The following CRYBG1 variants were observed in gnomAD, a reference collection of about 807,000 sequenced individuals.
CRYBG1 encodes crystallin beta-gamma domain containing 1.
A neutral mutation model predicts 189.2 loss-of-function variants in CRYBG1; 139 were observed. That is an observed-to-expected ratio of 0.73 (90% CI 0.64 to 0.85). CRYBG1 has a LOEUF of 0.85. Ranked by LOEUF, CRYBG1 falls within the 40% of genes least tolerant of loss-of-function variation. The pLI, the probability that CRYBG1 is intolerant of heterozygous loss-of-function variation, is 0.00. For missense variants in CRYBG1, 2,611 were observed against 2,675.8 expected (o/e 0.98, Z 0.53); for synonymous variants, 1,023 against 1,017.1 (o/e 1.01, Z -0.11).
At chr6:106,447,186 G>A (rs568724524) in intron 1 of CRYBG1, among the ~76,000 whole-genome samples, 12 of 152,222 alleles carry the variant, frequency 7.9e-5, no homozygotes, top group South Asian at 2.1e-4. Flanking sequence ...GGTTATTGTC[G>A]TTAATAAATG....
chr6:106,423,878 T>A, intron 1 of CRYBG1, among the ~76,000 whole-genome samples: 1 of 151,896 alleles, frequency 6.6e-6, no homozygotes, highest in East Asian at 1.9e-4. Flanking sequence ...CTAATTTTTG[T>A]ATTTTTTGTA....
intron 8 of CRYBG1, among the ~76,000 whole-genome samples, chr6:106,533,564 A>G (rs13194254): frequency 0.68 from 104,054 of 152,046 alleles, 36,352 homozygotes; most frequent in South Asian, 0.84. Context: ...AGCCAAGAAG[A>G]GATGGTGGCT....
In CRYBG1 at chr6:106,512,752, G is replaced by GC; in HGVS notation, c.1638dup (p.Asp547ArgfsTer72). 4 of 1,573,272 alleles carry GC rather than the reference G, an allele frequency of 2.5e-6. No individual in the cohort carries two copies. Among genetic ancestry groups the GC allele is most frequent in the Non-Finnish European group, 3.4e-6 (4 of 1,159,456 alleles). The stretch of plus-strand genomic sequence containing the variant: ...CCAAGGAGTCCCCACCCAAGAGGGT[G>GC]CCCGATCCCAGCCCAGTCACCAAGG... On this transcript the variant is annotated frameshift_variant, in exon 3 of 22. Coordinates refer to ENST00000633556, the MANE Select transcript of CRYBG1 (RefSeq NM_001371242.2). LOFTEE classifies it high-confidence loss of function.
intron 1 of CRYBG1, among the ~76,000 whole-genome samples, chr6:106,440,395 G>T (rs1771545987): frequency 6.6e-6 from 1 of 151,970 alleles, no homozygotes; most frequent in Non-Finnish European, 1.5e-5. Context: ...CTCCCAAGTA[G>T]CTGGGACTGT....
chr6:106,392,094 G>A (rs1770518685), intron 1 of CRYBG1, among the ~76,000 whole-genome samples: 1 of 152,104 alleles, frequency 6.6e-6, no homozygotes, highest in Non-Finnish European at 1.5e-5. Flanking sequence ...CTTAGAAAAT[G>A]CAAAGAAGGC....
At chr6:106,555,362 T>G (rs1476497564) in intron 16 of CRYBG1, among the ~76,000 whole-genome samples, 2 of 151,766 alleles carry the variant, frequency 1.3e-5, no homozygotes, top group Non-Finnish European at 2.9e-5. Context: ...GTGCGAGAAA[T>G]TTTGGAAGGA....
intron 1 of CRYBG1, among the ~76,000 whole-genome samples, chr6:106,426,272 T>TCCTTC (rs1771224410): frequency 6.6e-6 from 1 of 152,130 alleles, no homozygotes; most frequent in African/African-American, 2.4e-5. Flanking sequence ...CAAAGTTCCC[T>TCCTTC]CCTTCCCAAG....
Position 106,377,621 on chromosome 6 carries a change from T to TTATATATATATATATATATA in CRYBG1, c.173+16548_173+16567dup, listed in dbSNP as rs373644273. 8.9e-3 allele frequency among the ~76,000 whole-genome samples: 616 copies of TTATATATATATATATATATA among 69,352 alleles called. 40 individuals are homozygous for TTATATATATATATATATATA. The highest frequency in any genetic ancestry group is 0.019 in the African/African-American group (535 of 27,936). 45.5% of individuals were successfully genotyped at this position (69,352 alleles called of 152,430 possible). ...TGTGTAACTCATAAGTCCTAAGGTT[T>TTATATATATATATATATATA]TATATATATATATATATATATATAT... is the stretch of plus-strand genomic sequence containing the variant. On this transcript the variant is annotated intron_variant, in intron 1 of 21. Coordinates refer to ENST00000633556, the MANE Select transcript of CRYBG1 (RefSeq NM_001371242.2).
intron 3 of CRYBG1, among the ~76,000 whole-genome samples, chr6:106,516,357 C>T (rs886655955): frequency 6.6e-6 from 1 of 152,136 alleles, no homozygotes; most frequent in Non-Finnish European, 1.5e-5. Flanking sequence ...CCTCAGCCTC[C>T]CAAGTAGCTG....
chr6:106,547,750 C>CTGGGCAGTAAACTCATCATTAGTCCT (rs1774298816), intron 13 of CRYBG1, among the ~76,000 whole-genome samples: 1 of 152,168 alleles, frequency 6.6e-6, no homozygotes, highest in Non-Finnish European at 1.5e-5. Flanking sequence ...AATACATCCC[C>CTGGGCAGTAAACTCATCATTAGTCCT]TGGGCAGTAA....
chr6:106,561,875 A>C (rs1322875784), intron 20 of CRYBG1, among the ~76,000 whole-genome samples: 6 of 152,210 alleles, frequency 3.9e-5, no homozygotes, highest in African/African-American at 1.2e-4. Flanking sequence ...AAATCCACAG[A>C]ACGGGATGAA....
At chr6:106,525,062 C>T in intron 4 of CRYBG1, 71 bp from the exon 5 acceptor site, 3 of 1,486,742 alleles carry the variant, frequency 2.0e-6, no homozygotes, top group Admixed American at 1.7e-5. Flanking sequence ...CCTACAGGAT[C>T]GTGGGTGGAA....
chr6:106,565,139 G>T (rs1774843307), intron 21 of CRYBG1, among the ~76,000 whole-genome samples: 2 of 152,160 alleles, frequency 1.3e-5, no homozygotes, highest in South Asian at 4.2e-4. Context: ...CTAACATGGT[G>T]AAACCCCGTC....
chr6:106,407,139 C>T (rs1770842591), intron 1 of CRYBG1, among the ~76,000 whole-genome samples: 1 of 152,062 alleles, frequency 6.6e-6, no homozygotes, highest in Admixed American at 6.6e-5. Flanking sequence ...TCAGGAGACC[C>T]ATCTCACATG....
At position 106,459,466 on chromosome 6, in the gene CRYBG1, G is replaced by A. The variant is rs191326558; in HGVS notation, c.312+7634G>A. Among the ~76,000 whole-genome samples, 4 of 151,408 alleles carry A rather than the reference G, an allele frequency of 2.6e-5. No individual in the cohort carries two copies. The East Asian group carries it at 7.7e-4, about 29-fold the overall frequency. On this transcript the variant is annotated intron_variant, in intron 2 of 21. Coordinates refer to ENST00000633556, the MANE Select transcript of CRYBG1 (RefSeq NM_001371242.2). ...CTTAAATTCTTTCCTCACCCTGAGAGGTAACTATTTTGGTATGCCTCTCAG... is the reference window on the plus strand; with the variant it reads ...CTTAAATTCTTTCCTCACCCTGAGAAGTAACTATTTTGGTATGCCTCTCAG...
intron 1 of CRYBG1, among the ~76,000 whole-genome samples, chr6:106,363,906 T>C (rs1771929089): frequency 3.3e-5 from 5 of 152,020 alleles, no homozygotes; most frequent in Middle Eastern, 3.4e-3. Context: ...ACTCAGTAAA[T>C]GCAAAAGCAT....
chr6:106,493,571 A>G (rs1305216338), intron 2 of CRYBG1, among the ~76,000 whole-genome samples: 2 of 152,214 alleles, frequency 1.3e-5, no homozygotes, highest in African/African-American at 4.8e-5. Context: ...CACAATAGTC[A>G]AGAGAAGGAA....
intron 2 of CRYBG1, among the ~76,000 whole-genome samples, chr6:106,464,107 A>C (rs1025459581): frequency 6.6e-6 from 1 of 152,230 alleles, no homozygotes; most frequent in African/African-American, 2.4e-5. Flanking sequence ...AAACACAACC[A>C]GCAAGAGCAG....
At chr6:106,415,835 A>G (rs2353592) in intron 1 of CRYBG1, among the ~76,000 whole-genome samples, 78,858 of 151,992 alleles carry the variant, frequency 0.52, 20,774 homozygotes, top group South Asian at 0.72. Flanking sequence ...GGGATGAGGT[A>G]CAGGCACTTT....
Sources: gnomAD v4.1 joint callset for allele counts (sites outside exome capture counted in the v4.1 genomes callset) on GRCh38, gnomAD v4.1.1 for gene constraint, MANE v1.5 for transcripts, NCBI Gene and HGNC (gene_info 2026-07-23, HGNC 2026-07-21) for gene names.